CCDC15: variants seen among roughly 807,000 people sequenced by gnomAD.
CCDC15 encodes the protein coiled-coil domain containing 15.
CCDC15 carries 105 observed loss-of-function variants against 114.5 expected under a neutral mutation model. That is an observed-to-expected ratio of 0.92 (90% CI 0.78 to 1.08). CCDC15 has a LOEUF of 1.08. CCDC15 is among the 50% of genes least tolerant of loss of function. CCDC15 has a pLI of 0.00. For missense variants in CCDC15, 1,105 were observed against 1,093.6 expected (o/e 1.01, Z -0.15); for synonymous variants, 334 against 377.8 (o/e 0.88, Z 1.34).
chr11:125,025,814 T>C (rs1948698474), intron 13 of CCDC15, among the ~76,000 whole-genome samples: 1 of 152,128 alleles, frequency 6.6e-6, no homozygotes, highest in African/African-American at 2.4e-5. Context: ...TATCACCTCT[T>C]AATTTTGGTA....
In CCDC15 at chr11:124,987,464, T is replaced by A; in HGVS notation, c.1238T>A (p.Leu413Gln). Residue 413 changes from leucine to glutamine, a missense_variant, in exon 8 of 16, where the codon CTA becomes CAA. Coordinates refer to ENST00000344762, the MANE Select transcript of CCDC15 (RefSeq NM_025004.3). ...GSIVLKTQDF[L>Q]PTNQALLTKN... Reference sequence around the variant, plus strand: ...ATTGTGTTGAAAACCCAGGATTTTCTACCCACAAATCAGGCTCTTCTAACG... The same window carrying A: ...ATTGTGTTGAAAACCCAGGATTTTCAACCCACAAATCAGGCTCTTCTAACG... 2.5e-6 allele frequency: 4 copies of A among 1,614,002 alleles called. No individual in the cohort carries two copies. The South Asian group carries it at 4.4e-5, about 18-fold the overall frequency.
chr11:124,977,621 G>C, intron 6 of CCDC15, 21 bp downstream of exon 6: 1 of 1,597,188 alleles, frequency 6.3e-7, no homozygotes, highest in Non-Finnish European at 8.5e-7. Flanking sequence ...ATAAAAAGTA[G>C]AGGGGAAAGA....
intron 4 of CCDC15, among the ~76,000 whole-genome samples, chr11:124,964,604 C>T (rs890399233): frequency 6.6e-6 from 1 of 152,160 alleles, no homozygotes; most frequent in Non-Finnish European, 1.5e-5. Context: ...AATTTGACTT[C>T]CTCTTTTCTT....
chr11:125,024,180 A>G (rs1948680227), intron 13 of CCDC15, among the ~76,000 whole-genome samples: 1 of 151,946 alleles, frequency 6.6e-6, no homozygotes, highest in Admixed American at 6.6e-5. Flanking sequence ...TTCCGTGGAT[A>G]TATTTGTCTA....
At chr11:125,007,060 C>G (rs979085685) in intron 13 of CCDC15, among the ~76,000 whole-genome samples, 3 of 152,078 alleles carry the variant, frequency 2.0e-5, no homozygotes, top group Admixed American at 1.3e-4. Context: ...ATTTGGATAC[C>G]TGTCATCTCA....
chr11:124,986,245 T>G (rs1948154207), intron 6 of CCDC15, among the ~76,000 whole-genome samples: 1 of 152,244 alleles, frequency 6.6e-6, no homozygotes, highest in Non-Finnish European at 1.5e-5. Context: ...TCTTGATTCC[T>G]ATAACTTTGT....
chr11:125,008,361 T>G (rs1302314045), intron 13 of CCDC15, among the ~76,000 whole-genome samples: 1 of 152,252 alleles, frequency 6.6e-6, no homozygotes, highest in African/African-American at 2.4e-5. Context: ...GATTGACTTT[T>G]GTATATTAAA....
At position 125,040,834 on chromosome 11, in the gene CCDC15, A is replaced by C; in HGVS notation, c.*123A>C. 1.2e-6 allele frequency: 1 copy of C among 815,856 alleles called. No homozygotes were observed. Among genetic ancestry groups the C allele is most frequent in the Non-Finnish European group, 1.9e-6 (1 of 534,006 alleles). The allele number at this position is 815,856 out of a possible 1,614,324, so 50.5% of individuals were successfully genotyped here. A position where few individuals can be genotyped will look rare whatever the true frequency, so the allele number is the denominator to read the frequency against. ...TCTGGGAAGAAATACTGTCTCATATAATAATTAGATTGTAATCATTGTTTT... is the reference window on the plus strand; with the variant it reads ...TCTGGGAAGAAATACTGTCTCATATCATAATTAGATTGTAATCATTGTTTT... On this transcript the variant is annotated 3_prime_UTR_variant, in exon 16 of 16. Coordinates refer to ENST00000344762, the MANE Select transcript of CCDC15 (RefSeq NM_025004.3).
chr11:125,029,343 C>T (rs556945158), intron 13 of CCDC15, among the ~76,000 whole-genome samples: 6 of 152,252 alleles, frequency 3.9e-5, no homozygotes, highest in South Asian at 2.1e-4. Flanking sequence ...TGAGATCATA[C>T]GTAATCTTCA....
intron 6 of CCDC15, 71 bp downstream of exon 6, chr11:124,977,671 G>A (rs1049326096): frequency 2.5e-5 from 37 of 1,455,718 alleles, no homozygotes; most frequent in Admixed American, 7.1e-5. Context: ...ACTAAGGATG[G>A]GATAAAGGGT....
chr11:124,983,693 T>C (rs1272845248), intron 6 of CCDC15, among the ~76,000 whole-genome samples: 1 of 152,174 alleles, frequency 6.6e-6, no homozygotes, highest in Non-Finnish European at 1.5e-5. Context: ...CACAACACAC[T>C]GATGGATGGT....
chr11:124,980,579 C>T (rs1948055497), intron 6 of CCDC15, among the ~76,000 whole-genome samples: 2 of 152,074 alleles, frequency 1.3e-5, no homozygotes, highest in South Asian at 4.1e-4. Flanking sequence ...TCATAGTCTC[C>T]AAGGGTTTTT....
In CCDC15 at chr11:125,020,627, C is replaced by A. The variant is rs1194732270; in HGVS notation, c.2411+15415C>A. Among the ~76,000 whole-genome samples, 10 of 151,766 alleles carry A rather than the reference C, an allele frequency of 6.6e-5. No individual in the cohort carries two copies. In the East Asian group the frequency reaches 1.4e-3, roughly 21 times the overall value. ...AAGCCTGATGCTAGTTTCAGAATACCTTTTGGCATAGCCAGAGAATCACTG... is the reference window on the plus strand; with the variant it reads ...AAGCCTGATGCTAGTTTCAGAATACATTTTGGCATAGCCAGAGAATCACTG... On this transcript the variant is annotated intron_variant, in intron 13 of 15. Transcript: ENST00000344762.
At position 124,954,236 on chromosome 11, in the gene CCDC15, T is replaced by A; in HGVS notation, c.-144T>A. 6.4e-6 allele frequency: 1 copy of A among 156,306 alleles called. No homozygotes were observed. The highest frequency in any genetic ancestry group is 1.4e-5 in the Non-Finnish European group (1 of 70,298). The allele number at this position is 156,306 out of a possible 1,614,324, so 9.7% of individuals were successfully genotyped here. On this transcript the variant is annotated 5_prime_UTR_variant, in exon 1 of 16. Transcript: ENST00000344762. Reference sequence around the variant, plus strand: ...CTGTGGCGAGCTGCGGGCCGATTCCTGGCCAGTGCCATCTCAGCCGGAGCA... The same window carrying A: ...CTGTGGCGAGCTGCGGGCCGATTCCAGGCCAGTGCCATCTCAGCCGGAGCA...
At position 125,040,530 on chromosome 11, in the gene CCDC15, G is replaced by A; in HGVS notation, c.2735-60G>A. ...AGAGAAGCAGTACTAATAAGATAGAGGCTGGTAGAGTTGTTTAGAATTTGA... is the reference window on the plus strand; with the variant it reads ...AGAGAAGCAGTACTAATAAGATAGAAGCTGGTAGAGTTGTTTAGAATTTGA... On this transcript the variant is annotated intron_variant, in intron 15 of 15. Coordinates refer to ENST00000344762, the MANE Select transcript of CCDC15 (RefSeq NM_025004.3). 13 of 1,516,740 alleles carry A rather than the reference G, an allele frequency of 8.6e-6. No homozygotes were observed. In the South Asian group the frequency reaches 1.6e-4, roughly 19 times the overall value. 94.0% of individuals were successfully genotyped at this position (1,516,740 alleles called of 1,614,324 possible).
At chr11:124,962,049 T>A (rs1244276789) in intron 4 of CCDC15, among the ~76,000 whole-genome samples, 2 of 152,012 alleles carry the variant, frequency 1.3e-5, no homozygotes, top group South Asian at 2.1e-4. Flanking sequence ...CTTTTTTTTT[T>A]AAAAGGACAT....
chr11:125,027,972 C>T (rs546622455), intron 13 of CCDC15, among the ~76,000 whole-genome samples: 96 of 152,226 alleles, frequency 6.3e-4, no homozygotes, highest in African/African-American at 5.3e-4. Context: ...GTTATTCCAA[C>T]GCAATTTACT....
chr11:125,023,773 G>T (rs1948677381), intron 13 of CCDC15, among the ~76,000 whole-genome samples: 1 of 151,934 alleles, frequency 6.6e-6, no homozygotes, highest in Non-Finnish European at 1.5e-5. Context: ...CATAACGTGT[G>T]GCATATCTGT....
intron 4 of CCDC15, among the ~76,000 whole-genome samples, chr11:124,961,409 T>C (rs888662855): frequency 2.6e-5 from 4 of 152,222 alleles, no homozygotes; most frequent in African/African-American, 9.6e-5. Context: ...ATTTTCTGTG[T>C]TTTGCAATAA....
Sources: gnomAD v4.1 joint callset for allele counts (sites outside exome capture counted in the v4.1 genomes callset) on GRCh38, gnomAD v4.1.1 for gene constraint, MANE v1.5 for transcripts, NCBI Gene and HGNC (gene_info 2026-07-23, HGNC 2026-07-21) for gene names.